Variants in IL1RAPL2 observed in about 807,000 individuals in gnomAD.
IL1RAPL2 encodes X-linked interleukin-1 receptor accessory protein-like 2.
In IL1RAPL2, 3 loss-of-function variants were observed where a neutral mutation model predicts 44.1. The ratio of observed to expected loss-of-function variants is 0.07; its 90% CI spans 0.03 to 0.18. The LOEUF (loss-of-function observed/expected upper bound fraction) is 0.18, where lower values mean the gene tolerates loss of function less well. Among genes scored for constraint, IL1RAPL2 ranks in the 10% least tolerant of loss-of-function variants. IL1RAPL2 has a pLI of 1.00. For synonymous variants in IL1RAPL2, 181 were observed against 178.8 expected (o/e 1.01, Z -0.10); for missense variants, 391 against 496.4 (o/e 0.79, Z 2.02).
At chrX:104,807,121 G>C (rs763728945) in intron 2 of IL1RAPL2, among the ~76,000 whole-genome samples, 1 of 110,983 alleles carries the variant, frequency 9.0e-6, no homozygotes, top group Admixed American at 9.6e-5. Flanking sequence ...AATTTCCTTG[G>C]GGGTATGCAG....
chrX:104,913,354 T>G (rs1354890107), intron 2 of IL1RAPL2, among the ~76,000 whole-genome samples: 2 of 111,544 alleles, frequency 1.8e-5, no homozygotes, highest in African/African-American at 6.5e-5. Context: ...GTAGGGATGT[T>G]TCCTGACACT....
intron 2 of IL1RAPL2, among the ~76,000 whole-genome samples, chrX:104,955,169 T>C (rs892402709): frequency 4.5e-5 from 5 of 111,726 alleles, no homozygotes; most frequent in African/African-American, 1.6e-4. Context: ...TAGCCAATCT[T>C]CAATCTGGTC....
At chrX:105,464,911 A>G (rs751414389) in intron 5 of IL1RAPL2, among the ~76,000 whole-genome samples, 1 of 111,064 alleles carries the variant, frequency 9.0e-6, no homozygotes, top group South Asian at 3.8e-4. Context: ...CAGTTAACCT[A>G]ATGTGCACAT....
chrX:104,673,419 G>A (rs1263972370), intron 2 of IL1RAPL2, among the ~76,000 whole-genome samples: 32 of 110,714 alleles, frequency 2.9e-4, no homozygotes, highest in South Asian at 7.7e-4. Flanking sequence ...GATATGCGGC[G>A]TTATTTCTGA....
rs151077935 is a variant in IL1RAPL2 at position 105,756,536 on chromosome X, G to A, written c.1363+1189G>A. On this transcript the variant is annotated intron_variant, in intron 10 of 10. Transcript: ENST00000372582. ...TTGATTGTTCATCTCTTTTCTTAGC[G>A]TTCATTTATGTCTGTGTATGTTGAT... Among the ~76,000 whole-genome samples the A allele has an allele frequency of 9.7e-4, 108 of 111,750 alleles. No homozygotes were observed. In the East Asian group the frequency reaches 0.028, roughly 28 times the overall value.
At chrX:104,875,143 A>G (rs1190489942) in intron 2 of IL1RAPL2, among the ~76,000 whole-genome samples, 1 of 111,695 alleles carries the variant, frequency 9.0e-6, no homozygotes, top group Non-Finnish European at 1.9e-5. Flanking sequence ...CTCAGCACCA[A>G]CCTGAAGTAC....
At chrX:105,722,205 G>A (rs2038311321) in intron 7 of IL1RAPL2, among the ~76,000 whole-genome samples, 3 of 111,667 alleles carry the variant, frequency 2.7e-5, no homozygotes, top group Non-Finnish European at 5.6e-5. Flanking sequence ...GGTAATATTT[G>A]TGTATGTAAA....
At chrX:105,210,869 T>A (rs1458618820) in intron 3 of IL1RAPL2, among the ~76,000 whole-genome samples, 2 of 110,735 alleles carry the variant, frequency 1.8e-5, no homozygotes, top group African/African-American at 6.6e-5. Flanking sequence ...TCCATTTGTG[T>A]CTCAATCTGG....
At chrX:105,123,610 A>T (rs1602965657) in intron 2 of IL1RAPL2, among the ~76,000 whole-genome samples, 1 of 111,575 alleles carries the variant, frequency 9.0e-6, no homozygotes. Context: ...ATGAGTTAGA[A>T]CCATGAATTC....
At chrX:104,734,064 A>T (rs1931970573) in intron 2 of IL1RAPL2, among the ~76,000 whole-genome samples, 1 of 112,157 alleles carries the variant, frequency 8.9e-6, no homozygotes, top group Non-Finnish European at 1.9e-5. Context: ...ATTAGCCAAT[A>T]GGGAAATACA....
At chrX:104,720,776 G>C (rs1931660922) in intron 2 of IL1RAPL2, among the ~76,000 whole-genome samples, 1 of 111,256 alleles carries the variant, frequency 9.0e-6, no homozygotes, top group South Asian at 3.8e-4. Context: ...TTCTTTGCTT[G>C]CTGTACCTGT....
chrX:105,653,647 C>T (rs1250483925), intron 6 of IL1RAPL2, among the ~76,000 whole-genome samples: 2 of 109,945 alleles, frequency 1.8e-5, no homozygotes, highest in African/African-American at 6.6e-5. Flanking sequence ...CAATTTTAAA[C>T]CCTAGGAAAA....
At chrX:104,910,375 T>C (rs1009950275) in intron 2 of IL1RAPL2, among the ~76,000 whole-genome samples, 21 of 112,300 alleles carry the variant, frequency 1.9e-4, no homozygotes, top group African/African-American at 6.8e-4. Flanking sequence ...TCTTGGCTCC[T>C]CTCTAAATTA....
chrX:104,840,562 T>G (rs182258461), intron 2 of IL1RAPL2, among the ~76,000 whole-genome samples: 3 of 112,129 alleles, frequency 2.7e-5, no homozygotes, highest in Non-Finnish European at 3.8e-5. Flanking sequence ...TGGACAGTTG[T>G]GTAGATGTCT....
At chrX:104,609,885 T>A (rs753179074) in intron 1 of IL1RAPL2, among the ~76,000 whole-genome samples, 21 of 111,896 alleles carry the variant, frequency 1.9e-4, no homozygotes, top group Non-Finnish European at 3.6e-4. Context: ...TCCAGTTTTG[T>A]TCCCTTGCTG....
At chrX:104,572,922 C>A (rs1928174426) in intron 1 of IL1RAPL2, among the ~76,000 whole-genome samples, 1 of 112,229 alleles carries the variant, frequency 8.9e-6, no homozygotes, top group Non-Finnish European at 1.9e-5. Flanking sequence ...TTTCATAACT[C>A]TCTTGGCACA....
chrX:105,696,026 T>A (rs138842702), intron 6 of IL1RAPL2, among the ~76,000 whole-genome samples: 1 of 112,135 alleles, frequency 8.9e-6, no homozygotes, highest in African/African-American at 3.2e-5. Context: ...CCAATCCTTT[T>A]AATTCCCCAC....
intron 5 of IL1RAPL2, among the ~76,000 whole-genome samples, chrX:105,420,968 C>A (rs970736881): frequency 3.6e-5 from 4 of 111,750 alleles, no homozygotes; most frequent in Non-Finnish European, 7.5e-5. Flanking sequence ...TACTGTGAAC[C>A]CCAGAAATCT....
At chrX:105,176,899 A>C in intron 2 of IL1RAPL2, among the ~76,000 whole-genome samples, 1 of 111,643 alleles carries the variant, frequency 9.0e-6, no homozygotes, top group Non-Finnish European at 1.9e-5. Flanking sequence ...CCCTTTGTCC[A>C]ATCAGATCTG....
Sources: gnomAD v4.1 joint callset for allele counts (sites outside exome capture counted in the v4.1 genomes callset) on GRCh38, gnomAD v4.1.1 for gene constraint, MANE v1.5 for transcripts, NCBI Gene and HGNC (gene_info 2026-07-23, HGNC 2026-07-21) for gene names.